SYT10: variants seen among roughly 807,000 people sequenced by gnomAD.
SYT10 encodes synaptotagmin-10.
A neutral mutation model predicts 51.1 loss-of-function variants in SYT10; 31 were observed. The observed-to-expected ratio is 0.61, with a 90% confidence interval of 0.46 to 0.82. The LOEUF is 0.82. Among genes scored for constraint, SYT10 ranks in the 40% least tolerant of loss-of-function variants. The pLI, the probability that SYT10 is intolerant of heterozygous loss-of-function variation, is 0.00. For synonymous variants in SYT10, 233 were observed against 225.9 expected (o/e 1.03, Z -0.28); for missense variants, 603 against 634.0 (o/e 0.95, Z 0.53).
chr12:33,383,311 C>T (rs901401580), intron 4 of SYT10, among the ~76,000 whole-genome samples: 2 of 151,838 alleles, frequency 1.3e-5, no homozygotes, highest in African/African-American at 4.8e-5. Flanking sequence ...TTCATTCTGA[C>T]CATCCTCTAA....
At chr12:33,424,105 A>T in intron 2 of SYT10, 1 of 423,382 alleles carries the variant, frequency 2.4e-6, no homozygotes, top group Non-Finnish European at 4.7e-6. Flanking sequence ...CCTCTTACAA[A>T]ATATCAGATA....
At chr12:33,436,440 A>ATT (rs1866638188) in intron 1 of SYT10, among the ~76,000 whole-genome samples, 1 of 152,198 alleles carries the variant, frequency 6.6e-6, no homozygotes, top group Non-Finnish European at 1.5e-5. Context: ...GCTGGCACAT[A>ATT]TAATGACTCC....
intron 3 of SYT10, among the ~76,000 whole-genome samples, chr12:33,402,289 CACTTT>C (rs1176990499): frequency 6.6e-6 from 1 of 152,192 alleles, no homozygotes; most frequent in African/African-American, 2.4e-5. Flanking sequence ...TTCATATTCA[CACTTT>C]ACTTTTCTGC....
At chr12:33,388,834 C>A (rs1437042739) in intron 3 of SYT10, among the ~76,000 whole-genome samples, 2 of 152,156 alleles carry the variant, frequency 1.3e-5, no homozygotes, top group Non-Finnish European at 2.9e-5. Context: ...TCCATGTAGT[C>A]TCTTTCCAAA....
chr12:33,416,002 C>A (rs1388724667), intron 2 of SYT10, among the ~76,000 whole-genome samples: 1 of 152,138 alleles, frequency 6.6e-6, no homozygotes, highest in Non-Finnish European at 1.5e-5. Flanking sequence ...GCTGTTATTT[C>A]CCCATGGCCC....
chr12:33,402,659 A>G (rs1048239473), intron 3 of SYT10, among the ~76,000 whole-genome samples: 1 of 152,178 alleles, frequency 6.6e-6, no homozygotes, highest in African/African-American at 2.4e-5. Flanking sequence ...TATGTAATCA[A>G]ATTAAAGTTA....
At chr12:33,390,898 C>T (rs1165534822) in intron 3 of SYT10, among the ~76,000 whole-genome samples, 2 of 152,160 alleles carry the variant, frequency 1.3e-5, no homozygotes, top group African/African-American at 2.4e-5. Context: ...AACGATAACA[C>T]AGGTCTGCAT....
At chr12:33,399,023 G>T (rs1866281280) in intron 3 of SYT10, among the ~76,000 whole-genome samples, 1 of 152,176 alleles carries the variant, frequency 6.6e-6, no homozygotes, top group African/African-American at 2.4e-5. Flanking sequence ...GAAAGAGATA[G>T]TCTCAAGGAT....
intron 2 of SYT10, among the ~76,000 whole-genome samples, chr12:33,415,171 C>T (rs1427063938): frequency 6.6e-6 from 1 of 152,216 alleles, no homozygotes; most frequent in African/African-American, 2.4e-5. Flanking sequence ...AGGCACATCA[C>T]TTAACTTGTT....
Position 33,375,664 on chromosome 12 carries a change from AGGCCTG to A in SYT10, c.*1160_*1165del, listed in dbSNP as rs1405751574. ...CAAATGCCTTTCATGCAAGGACTGG[AGGCCTG>A]GGCCTTTAGAATTAATTTGTTTATT... On this transcript the variant is annotated 3_prime_UTR_variant, in exon 7 of 7. Transcript: ENST00000228567. The A allele has an allele frequency of 6.6e-6, 1 of 152,150 alleles. No individual in the cohort carries two copies. Among genetic ancestry groups the A allele is most frequent in the Non-Finnish European group, 1.5e-5 (1 of 67,990 alleles). 9.4% of individuals were successfully genotyped at this position (152,150 alleles called of 1,614,324 possible).
chr12:33,428,818 A>C (rs562807210), intron 1 of SYT10, among the ~76,000 whole-genome samples: 1 of 150,776 alleles, frequency 6.6e-6, no homozygotes, highest in Non-Finnish European at 1.5e-5. Flanking sequence ...AGGCAGGAGA[A>C]TGGCGTGAGC....
chr12:33,421,124 T>C (rs1452143997), intron 2 of SYT10, among the ~76,000 whole-genome samples: 1 of 152,186 alleles, frequency 6.6e-6, no homozygotes, highest in African/African-American at 2.4e-5. Context: ...TTTTATGTAT[T>C]TTTACATAAT....
chr12:33,421,673 C>T (rs1245648363), intron 2 of SYT10, among the ~76,000 whole-genome samples: 1 of 152,086 alleles, frequency 6.6e-6, no homozygotes, highest in Non-Finnish European at 1.5e-5. Flanking sequence ...AAGTGGGTTA[C>T]ACACGCTTAG....
Position 33,407,108 on chromosome 12 carries a change from A to G in SYT10, c.758T>C (p.Ile253Thr). The change falls in exon 3 of 7, where the codon ATC (isoleucine) becomes ACC (threonine). Residue 253 changes from isoleucine (I) to threonine (T), a missense_variant. Transcript: ENST00000228567. ...YENELLVVKI[I>T]KALDLPAKDF... is the part of the protein sequence containing the mutation. ...TTTAGCAGGGAGATCTAAAGCTTTG[A>G]TAATTTTAACAACTAGAAGTTCATT... 1.2e-6 allele frequency: 2 copies of G among 1,613,712 alleles called. No homozygotes were observed. Among genetic ancestry groups the G allele is most frequent in the Non-Finnish European group, 8.5e-7 (1 of 1,179,872 alleles).
At chr12:33,435,909 T>C (rs1482149732) in intron 1 of SYT10, among the ~76,000 whole-genome samples, 8 of 152,224 alleles carry the variant, frequency 5.3e-5, no homozygotes, top group Admixed American at 5.2e-4. Flanking sequence ...AACATATGTA[T>C]GAATTTAGAA....
At chr12:33,406,370 G>A (rs1249797102) in intron 3 of SYT10, among the ~76,000 whole-genome samples, 3 of 152,128 alleles carry the variant, frequency 2.0e-5, no homozygotes, top group Non-Finnish European at 2.9e-5. Context: ...TTTTAGGTTT[G>A]ATCTGATGAA....
At chr12:33,378,880 G>A (rs1480253592) in intron 6 of SYT10, among the ~76,000 whole-genome samples, 2 of 151,708 alleles carry the variant, frequency 1.3e-5, no homozygotes, top group South Asian at 2.1e-4. Context: ...GTGTGTGTCT[G>A]TCTTTTATGA....
Position 33,379,758 on chromosome 12 carries a change from A to AAGG in SYT10, c.1500+71_1500+73dup, listed in dbSNP as rs879217537. ...GGGTGAATACATAAAATATCAGATA[A>AAGG]AGGTTAGCAAATAAATAATATTTAA... On this transcript the variant is annotated intron_variant, in intron 6 of 6. Coordinates refer to ENST00000228567, the MANE Select transcript of SYT10 (RefSeq NM_198992.4). 62 of 1,561,244 alleles carry AAGG rather than the reference A, an allele frequency of 4.0e-5. 2 individuals are homozygous for AAGG. The South Asian group carries it at 7.0e-4, about 18-fold the overall frequency.
chr12:33,391,309 T>A (rs369739763), intron 3 of SYT10, among the ~76,000 whole-genome samples: 1 of 152,136 alleles, frequency 6.6e-6, no homozygotes, highest in Non-Finnish European at 1.5e-5. Context: ...ATTTTAATTA[T>A]GGGAAGAGCG....
Sources: gnomAD v4.1 joint callset for allele counts (sites outside exome capture counted in the v4.1 genomes callset) on GRCh38, gnomAD v4.1.1 for gene constraint, MANE v1.5 for transcripts, NCBI Gene and HGNC (gene_info 2026-07-23, HGNC 2026-07-21) for gene names.